ZNF536: variants seen among roughly 807,000 people sequenced by gnomAD.
The protein encoded by ZNF536 is zinc finger protein 536.
In ZNF536, 13 loss-of-function variants were observed where a neutral mutation model predicts 84.5. The observed-to-expected ratio is 0.15, with a 90% confidence interval of 0.10 to 0.24. The LOEUF is 0.24. ZNF536 is among the 10% of genes least tolerant of loss of function. The pLI is 1.00. For missense variants in ZNF536, 1,536 were observed against 1,747.5 expected, an observed-to-expected ratio of 0.88 and a Z score of 2.16; for synonymous variants, 811 against 742.5, an observed-to-expected ratio of 1.09 and a Z score of -1.50.
intron 1 of ZNF536, among the ~76,000 whole-genome samples, chr19:30,592,028 C>A (rs1434799595): frequency 6.6e-6 from 1 of 152,144 alleles, no homozygotes; most frequent in East Asian, 1.9e-4. Context: ...TTCTGCCACT[C>A]CAAAACAAAA....
At chr19:30,256,927 G>A (rs757531166) in intron 1 of ZNF536, among the ~76,000 whole-genome samples, 8 of 152,124 alleles carry the variant, frequency 5.3e-5, no homozygotes, top group Non-Finnish European at 1.0e-4. Flanking sequence ...TGTCATTTTG[G>A]TAATTATATC....
intron 1 of ZNF536, among the ~76,000 whole-genome samples, chr19:30,249,685 C>T (rs1230299439): frequency 6.6e-6 from 1 of 152,208 alleles, no homozygotes; most frequent in Non-Finnish European, 1.5e-5. Context: ...AACCCACATT[C>T]AGAGCAAGTG....
At chr19:30,250,423 C>T (rs1320294809) in intron 1 of ZNF536, among the ~76,000 whole-genome samples, 2 of 152,118 alleles carry the variant, frequency 1.3e-5, no homozygotes, top group Admixed American at 6.5e-5. Context: ...CAATGAGCTG[C>T]GTGGAGCAAG....
At chr19:30,466,178 G>A (rs1429758871) in intron 2 of ZNF536, among the ~76,000 whole-genome samples, 1 of 150,652 alleles carries the variant, frequency 6.6e-6, no homozygotes, top group South Asian at 2.1e-4. Flanking sequence ...AGCAATGATC[G>A]TTCCACTGCA....
chr19:30,587,211 T>C (rs1280197384), intron 1 of ZNF536, among the ~76,000 whole-genome samples: 9 of 152,208 alleles, frequency 5.9e-5, no homozygotes, highest in African/African-American at 2.2e-4. Flanking sequence ...TTTTTAACTT[T>C]TGAGTGTGCA....
intron 2 of ZNF536, among the ~76,000 whole-genome samples, chr19:30,489,896 CA>C (rs1478215456): frequency 6.6e-6 from 1 of 152,166 alleles, no homozygotes; most frequent in East Asian, 1.9e-4. Flanking sequence ...AGAAGTAAAA[CA>C]AATTCTGAAT....
At chr19:30,416,410 G>A (rs28502087) in intron 1 of ZNF536, among the ~76,000 whole-genome samples, 1 of 151,564 alleles carries the variant, frequency 6.6e-6, no homozygotes, top group Non-Finnish European at 1.5e-5. Context: ...TAGTGGCTTA[G>A]TATTGGTGCC....
intron 2 of ZNF536, among the ~76,000 whole-genome samples, chr19:30,511,694 AAT>A (rs1363231813): frequency 6.6e-6 from 1 of 152,220 alleles, no homozygotes; most frequent in Admixed American, 6.5e-5. Context: ...TAAAATTTTA[AAT>A]ATAATTAATT....
chr19:30,351,380 GA>G (rs1424018205), intron 2 of ZNF536, among the ~76,000 whole-genome samples: 1 of 152,178 alleles, frequency 6.6e-6, no homozygotes, highest in African/African-American at 2.4e-5. Context: ...ACTGGGTAGT[GA>G]ATTAATAGAG....
At chr19:30,573,340 C>T (rs887233263) in intron 1 of ZNF536, among the ~76,000 whole-genome samples, 1 of 152,168 alleles carries the variant, frequency 6.6e-6, no homozygotes, top group African/African-American at 2.4e-5. Context: ...GCTAGGGCCC[C>T]AGGTCTCCTG....
At chr19:30,620,820 C>T (rs907739491) in intron 1 of ZNF536, among the ~76,000 whole-genome samples, 1 of 151,916 alleles carries the variant, frequency 6.6e-6, no homozygotes, top group South Asian at 2.1e-4. Context: ...CCATGCAGAA[C>T]TTTAATTATT....
chr19:30,294,982 G>C (rs2045953712), intron 2 of ZNF536, among the ~76,000 whole-genome samples: 1 of 152,172 alleles, frequency 6.6e-6, no homozygotes, highest in Non-Finnish European at 1.5e-5. Context: ...TGCAGCTGCA[G>C]GCTGCTACCT....
chr19:30,486,154 A>G (rs546846466), intron 2 of ZNF536, among the ~76,000 whole-genome samples: 3 of 152,206 alleles, frequency 2.0e-5, no homozygotes, highest in Non-Finnish European at 4.4e-5. Context: ...TTTGTTACAT[A>G]GGTAAACATG....
chr19:30,617,930 C>T (rs993905096), intron 1 of ZNF536, among the ~76,000 whole-genome samples: 1 of 152,102 alleles, frequency 6.6e-6, no homozygotes, highest in African/African-American at 2.4e-5. Flanking sequence ...AAAATGTGGT[C>T]TATTGCGTTT....
intron 2 of ZNF536, among the ~76,000 whole-genome samples, chr19:30,516,275 G>A (rs34650510): frequency 0.097 from 14,718 of 152,148 alleles, 977 homozygotes; most frequent in Non-Finnish European, 0.15. Flanking sequence ...CTCCTTTGCC[G>A]TCCTCCGTCC....
At chr19:30,588,858 A>G (rs778064369) in intron 1 of ZNF536, among the ~76,000 whole-genome samples, 8 of 152,228 alleles carry the variant, frequency 5.3e-5, no homozygotes, top group Non-Finnish European at 8.8e-5. Flanking sequence ...AAAAAATAAA[A>G]AAGAATTAGT....
chr19:30,537,892 G>T (rs750566392), intron 3 of ZNF536, among the ~76,000 whole-genome samples: 1 of 152,156 alleles, frequency 6.6e-6, no homozygotes, highest in Non-Finnish European at 1.5e-5. Context: ...AGCATTCGCC[G>T]TATGTAAAAG....
chr19:30,660,684 A>G (rs1004321872), intron 1 of ZNF536, among the ~76,000 whole-genome samples: 5 of 152,144 alleles, frequency 3.3e-5, no homozygotes, highest in Non-Finnish European at 7.3e-5. Flanking sequence ...CAACTTTTTG[A>G]AGCTTCAGCT....
chr19:30,390,767 G>T (rs570673586), intron 1 of ZNF536, among the ~76,000 whole-genome samples: 1 of 152,198 alleles, frequency 6.6e-6, no homozygotes, highest in East Asian at 1.9e-4. Context: ...CTAATCAAGT[G>T]ACTGGGAGGC....
Sources: allele counts gnomAD v4.1 joint callset (sites outside exome capture counted in the v4.1 genomes callset), GRCh38; gene constraint gnomAD v4.1.1; transcripts MANE v1.5; gene names NCBI Gene and HGNC (gene_info 2026-07-23, HGNC 2026-07-21).